Variants in FHL5 observed in about 807,000 individuals in gnomAD.
FHL5 encodes the protein four and a half LIM domains protein 5.
Under a neutral mutation model 32.0 loss-of-function variants are expected in FHL5, and 33 were observed. The observed-to-expected ratio is 1.03, with a 90% CI of 0.78 to 1.38. The LOEUF (loss-of-function observed/expected upper bound fraction) is 1.38. Ranked by LOEUF, FHL5 falls within the 40% of genes most tolerant of loss-of-function variation. FHL5 has a pLI of 0.00. For synonymous variants in FHL5, 114 were observed against 113.6 expected (o/e 1.00, Z -0.02); for missense variants, 336 against 343.9 (o/e 0.98, Z 0.18).
intron 1 of FHL5, among the ~76,000 whole-genome samples, chr6:96,588,299 C>G (rs538633581): frequency 1.3e-5 from 2 of 152,326 alleles, no homozygotes; most frequent in East Asian, 3.9e-4. Context: ...CAACCTCCAC[C>G]TCCCAGGTTC....
At chr6:96,577,941 CA>C (rs201913399) in intron 1 of FHL5, among the ~76,000 whole-genome samples, 1,908 of 102,852 alleles carry the variant, frequency 0.019, 13 homozygotes, top group African/African-American at 0.035. Flanking sequence ...CTTCTTCTTT[CA>C]AAAAAAAAAA....
At position 96,616,699 on chromosome 6, in the gene FHL5, T is replaced by C. The variant is rs141985624; in HGVS notation, c.*927T>C. ...TTGGAACATGACTTTCATCCAGATA[T>C]CTAACGACATAATAGAATGCATAAT... is the stretch of plus-strand genomic sequence containing the variant. On this transcript the variant is annotated 3_prime_UTR_variant, in exon 6 of 6. Transcript: ENST00000450218. 1 of 152,288 alleles carries C rather than the reference T, an allele frequency of 6.6e-6. No homozygotes were observed. The highest frequency in any genetic ancestry group is 1.5e-5 in the Non-Finnish European group (1 of 68,020). The allele number at this position is 152,288 out of a possible 1,614,324, so 9.4% of individuals were successfully genotyped here.
At chr6:96,594,259 ATATATATATATATATG>A (rs1359344468) in intron 1 of FHL5, among the ~76,000 whole-genome samples, 5 of 86,420 alleles carry the variant, frequency 5.8e-5, no homozygotes, top group East Asian at 5.5e-4. Flanking sequence ...ATATATATAT[ATATATATATATATATG>A]TATGTATGTA....
intron 1 of FHL5, among the ~76,000 whole-genome samples, chr6:96,598,038 A>T (rs116790670): frequency 0.038 from 5,740 of 152,270 alleles, 135 homozygotes; most frequent in African/African-American, 0.052. Flanking sequence ...AGGAAACATA[A>T]AGGAGTATTA....
chr6:96,579,344 A>C (rs1387230854), intron 1 of FHL5, among the ~76,000 whole-genome samples: 1 of 148,742 alleles, frequency 6.7e-6, no homozygotes, highest in Non-Finnish European at 1.5e-5. Context: ...CAGTACCATT[A>C]TAACAAATTA....
chr6:96,610,497 A>C, intron 4 of FHL5, 75 bp from the exon 5 acceptor site: 1 of 1,063,788 alleles, frequency 9.4e-7, no homozygotes. Flanking sequence ...AGATACTAGG[A>C]TCTCAAAAGA....
At chr6:96,602,958 G>T (rs1771186055) in intron 1 of FHL5, among the ~76,000 whole-genome samples, 5 of 152,156 alleles carry the variant, frequency 3.3e-5, no homozygotes, top group Non-Finnish European at 5.9e-5. Context: ...ACATTTAAAT[G>T]AAGATATCTA....
intron 1 of FHL5, among the ~76,000 whole-genome samples, chr6:96,572,516 G>A (rs1770501133): frequency 6.6e-6 from 1 of 152,090 alleles, no homozygotes; most frequent in Non-Finnish European, 1.5e-5. Context: ...TTAGTCTCAG[G>A]GATGAAGGGG....
intron 2 of FHL5, among the ~76,000 whole-genome samples, 166 bp from the exon 3 acceptor site, chr6:96,604,584 C>T (rs1366333447): frequency 6.6e-6 from 1 of 151,840 alleles, no homozygotes; most frequent in Non-Finnish European, 1.5e-5. Context: ...TCTTAATTAC[C>T]CCAGAGAGTC....
chr6:96,611,357 G>A lies in FHL5; in HGVS notation c.691+599G>A, dbSNP rs928984700. On this transcript the variant is annotated intron_variant, in intron 5 of 5. Coordinates refer to ENST00000450218, the MANE Select transcript of FHL5 (RefSeq NM_001322466.2). Reference sequence around the variant, plus strand: ...TGAGTAGATGAAAGAAAACAAGATAGCATTTTACTGAAAAAAAAATGTGAC... The same window carrying A: ...TGAGTAGATGAAAGAAAACAAGATAACATTTTACTGAAAAAAAAATGTGAC... Among the ~76,000 whole-genome samples the A allele has an allele frequency of 4.6e-5, 7 of 151,698 alleles. No individual in the cohort carries two copies. The South Asian group carries it at 6.2e-4, about 14-fold the overall frequency.
chr6:96,574,738 A>T (rs1346099854), intron 1 of FHL5, among the ~76,000 whole-genome samples: 1 of 152,214 alleles, frequency 6.6e-6, no homozygotes, highest in Non-Finnish European at 1.5e-5. Context: ...GTTATTAAAT[A>T]TAAAATGGTT....
intron 1 of FHL5, among the ~76,000 whole-genome samples, chr6:96,579,699 A>G (rs1449328983): frequency 6.6e-6 from 1 of 152,226 alleles, no homozygotes; most frequent in East Asian, 1.9e-4. Flanking sequence ...AAAAGTCATG[A>G]AAATTGTCAA....
At chr6:96,574,311 G>A (rs1483169987) in intron 1 of FHL5, among the ~76,000 whole-genome samples, 1 of 152,158 alleles carries the variant, frequency 6.6e-6, no homozygotes, top group Non-Finnish European at 1.5e-5. Context: ...TTAAACTTGA[G>A]ATTAGGGATC....
At chr6:96,597,898 T>A (rs1324524928) in intron 1 of FHL5, among the ~76,000 whole-genome samples, 1 of 152,168 alleles carries the variant, frequency 6.6e-6, no homozygotes, top group Admixed American at 6.5e-5. Flanking sequence ...CAAGTGATCT[T>A]GGCCTCCTAA....
intron 1 of FHL5, among the ~76,000 whole-genome samples, chr6:96,577,108 A>AAAATT (rs990822673): frequency 3.9e-5 from 6 of 152,204 alleles, no homozygotes; most frequent in African/African-American, 1.4e-4. Context: ...AAAACAGATA[A>AAAATT]AAATTAAATT....
At position 96,604,840 on chromosome 6, in the gene FHL5, A is replaced by T. The variant is rs1771237192; in HGVS notation, c.250A>T (p.Lys84Ter). ...HSLVEKPFAA[K>*]DERLLCTECY... ...TTTGGTGGAAAAGCCTTTTGCTGCC[A>T]AGGATGAGCGCCTGCTGTGCACGGA... The change falls in exon 3 of 6, where the codon AAG becomes TAG. Residue 84 changes from lysine (K) to a stop codon, truncating the protein, a stop_gained. Coordinates refer to ENST00000450218, the MANE Select transcript of FHL5 (RefSeq NM_001322466.2). LOFTEE classifies it high-confidence loss of function. 1 of 1,613,966 alleles carries T rather than the reference A, an allele frequency of 6.2e-7. No homozygotes were observed. Among genetic ancestry groups the T allele is most frequent in the Admixed American group, 1.7e-5 (1 of 59,998 alleles).
intron 5 of FHL5, among the ~76,000 whole-genome samples, chr6:96,614,546 C>T (rs930130742): frequency 1.3e-5 from 2 of 152,112 alleles, no homozygotes; most frequent in Non-Finnish European, 2.9e-5. Context: ...AAATAGAATG[C>T]TATTCACCCT....
At position 96,604,761 on chromosome 6, in the gene FHL5, C is replaced by A; in HGVS notation, c.171C>A (p.Tyr57Ter). ...PIESDSKDLC[Y>*]KDRHWHEGCF... ...TTACTGTCTCAAAGGATCTTTGTTA[C>A]AAAGACCGGCACTGGCATGAAGGAT... Residue 57 changes from tyrosine (Y) to a stop codon, truncating the protein, a stop_gained, in exon 3 of 6, where the codon TAC becomes TAA. Transcript: ENST00000450218. LOFTEE classifies it high-confidence loss of function. 6.2e-7 allele frequency: 1 copy of A among 1,606,714 alleles called. No individual in the cohort carries two copies. The highest frequency in any genetic ancestry group is 8.5e-7 in the Non-Finnish European group (1 of 1,177,342).
intron 1 of FHL5, among the ~76,000 whole-genome samples, chr6:96,578,681 A>G (rs756567908): frequency 1.9e-4 from 29 of 152,040 alleles, no homozygotes; most frequent in Non-Finnish European, 4.1e-4. Context: ...ATCTCTACAA[A>G]AAATACAAAA....
Sources: allele counts gnomAD v4.1 joint callset (sites outside exome capture counted in the v4.1 genomes callset), GRCh38; gene constraint gnomAD v4.1.1; transcripts MANE v1.5; gene names NCBI Gene and HGNC (gene_info 2026-07-23, HGNC 2026-07-21).